The following CROCC2 variants were observed in gnomAD, a reference collection of about 807,000 sequenced individuals.
CROCC2 encodes the protein ciliary rootlet coiled-coil, rootletin family member 2, also known as ciliary rootlet coiled-coil protein 2.
CROCC2 carries 163 observed loss-of-function variants against 177.6 expected under a neutral mutation model. The ratio of observed to expected loss-of-function variants is 0.92; its 90% CI spans 0.81 to 1.05. The LOEUF (loss-of-function observed/expected upper bound fraction) is 1.05. Among genes scored for constraint, CROCC2 ranks in the 50% least tolerant of loss-of-function variants. CROCC2 has a pLI of 0.00. For missense variants in CROCC2, 1,929 were observed against 1,797.8 expected, an observed-to-expected ratio of 1.07 and a Z score of -1.32; for synonymous variants, 904 against 787.3, an observed-to-expected ratio of 1.15 and a Z score of -2.48.
In CROCC2 at chr2:240,949,584, G is replaced by C. The variant is rs543602371; in HGVS notation, c.2534G>C (p.Arg845Pro). ...TGGGAGGTCCAGGAAATGAAGCTGCGGCAGGACACGGTGCGGCTCCAGCGA... is the reference window on the plus strand; with the variant it reads ...TGGGAGGTCCAGGAAATGAAGCTGCCGCAGGACACGGTGCGGCTCCAGCGA... ...SDWEVQEMKL[R>P]QDTVRLQRQV... Residue 845 changes from arginine (R) to proline (P), a missense_variant, in exon 17 of 32, where the codon CGG becomes CCG. Arg to Pro is a moderately radical substitution (Grantham distance 103). Transcript: ENST00000690015. The surrounding 1 kb of genome is among the most constrained non-coding windows in gnomAD (Gnocchi z 4.5). The C allele has an allele frequency of 6.4e-7, 1 of 1,550,528 alleles. No individual in the cohort carries two copies. Among genetic ancestry groups the C allele is most frequent in the Non-Finnish European group, 8.7e-7 (1 of 1,146,962 alleles).
intron 14 of CROCC2, among the ~76,000 whole-genome samples, chr2:240,938,785 G>T (rs1015985735): frequency 2.0e-5 from 3 of 152,048 alleles, no homozygotes; most frequent in Non-Finnish European, 4.4e-5. Context: ...CCACATCTTT[G>T]ATTAGGTTAA....
intron 12 of CROCC2, 25 bp from the exon 13 acceptor site, chr2:240,934,891 C>T: frequency 6.8e-7 from 1 of 1,473,800 alleles, no homozygotes; most frequent in Non-Finnish European, 9.0e-7. Context: ...AAGGTCCCTC[C>T]CTGGCATCCC....
At position 240,959,348 on chromosome 2, in the gene CROCC2, G is replaced by T; in HGVS notation, c.2991G>T (p.Gln997His). 1 of 1,550,632 alleles carries T rather than the reference G, an allele frequency of 6.4e-7. No homozygotes were observed. Among genetic ancestry groups the T allele is most frequent in the Non-Finnish European group, 8.7e-7 (1 of 1,146,976 alleles). The change falls in exon 20 of 32, where the codon CAG becomes CAT. Residue 997 changes from glutamine (Q) to histidine (H), a missense_variant. Coordinates refer to ENST00000690015, the MANE Select transcript of CROCC2 (RefSeq NM_001351305.2). ...TTEELKALQAQFEDAITAHQR... is the reference protein window; with the variant it reads ...TTEELKALQAHFEDAITAHQR... ...AGGAGCTGAAGGCCCTCCAGGCCCA[G>T]TTTGAGGATGCCATCACAGCCCATC...
At position 240,953,043 on chromosome 2, in the gene CROCC2, G is replaced by A. The variant is rs535075015; in HGVS notation, c.2829+2533G>A. Among the ~76,000 whole-genome samples, 173 of 152,240 alleles carry A rather than the reference G, an allele frequency of 1.1e-3. No individual in the cohort carries two copies. The highest frequency in any genetic ancestry group is 3.9e-3 in the African/African-American group (163 of 41,548). On this transcript the variant is annotated intron_variant, in intron 18 of 31. Transcript: ENST00000690015. This position sits in a 1 kb window ranked among gnomAD's most constrained non-coding sequence, Gnocchi z 4.0. ...CATCCGAGACCAACCACTGGGCAAC[G>A]TGGCCTGTTCTCATGTGGTTATTTA...
At position 240,966,524 on chromosome 2, in the gene CROCC2, C is replaced by T. The variant is rs138138155; in HGVS notation, c.4146+115C>T. 810 of 397,540 alleles carry T rather than the reference C, an allele frequency of 2.0e-3. 3 individuals carry two copies. The highest frequency in any genetic ancestry group is 0.015 in the African/African-American group (731 of 48,698). 24.6% of individuals were successfully genotyped at this position (397,540 alleles called of 1,614,324 possible). On this transcript the variant is annotated intron_variant, in intron 25 of 31. Coordinates refer to ENST00000690015, the MANE Select transcript of CROCC2 (RefSeq NM_001351305.2). ...TGGGTCTGAGGGTCAGTGTCCAGGC[C>T]GTCCTGTTTGTTGTGATAAACACCA...
chr2:240,939,549 T>C (rs976840266), intron 14 of CROCC2, among the ~76,000 whole-genome samples: 2 of 152,136 alleles, frequency 1.3e-5, no homozygotes, highest in South Asian at 4.1e-4. Context: ...AAAGTGTGTG[T>C]GTAAAATTGG....
rs1474358330 is a variant in CROCC2 at position 240,965,417 on chromosome 2, G to C, written c.3502G>C (p.Gly1168Arg). Residue 1168 changes from glycine (G) to arginine (R), a missense_variant, in exon 23 of 32, where the codon GGA (glycine) becomes CGA (arginine). This residue lies in a region of CROCC2 where 1,397 missense variants were observed against 1,239.9 expected (regional missense o/e 1.13). Transcript: ENST00000690015. ...TLKAENQRRS[G>R]EAHELQAQCS... is the part of the protein sequence containing the mutation. ...GAAGGCCGAGAACCAGAGGAGGAGT[G>C]GAGAGGCCCATGAGCTGCAGGCGCA... 2.6e-6 allele frequency: 4 copies of C among 1,549,726 alleles called. No individual in the cohort carries two copies. In the Admixed American group the frequency reaches 7.8e-5, roughly 30 times the overall value.
At chr2:240,965,344 G>T in intron 22 of CROCC2, 37 bp from the exon 23 acceptor site, 1 of 1,546,704 alleles carries the variant, frequency 6.5e-7, no homozygotes, top group South Asian at 1.2e-5. Flanking sequence ...CCAGCACAGA[G>T]ACCAGTGACC....
chr2:240,983,250 A>AG (rs2059813870), intron 28 of CROCC2: 1 of 888,914 alleles, frequency 1.1e-6, no homozygotes, highest in Non-Finnish European at 1.6e-6. Flanking sequence ...ACAGGGAGTC[A>AG]GGGGGCTGGA....
At chr2:240,983,135 A>C in intron 28 of CROCC2, 106 bp downstream of exon 28, 1 of 1,187,072 alleles carries the variant, frequency 8.4e-7, no homozygotes, top group Non-Finnish European at 1.2e-6. Context: ...CTCAACATGA[A>C]GGGAGGCCTA....
At chr2:240,930,551 T>TG (rs2059422218) in intron 6 of CROCC2, among the ~76,000 whole-genome samples, 1 of 151,856 alleles carries the variant, frequency 6.6e-6, no homozygotes, top group South Asian at 2.1e-4. Context: ...CACTGTGGGG[T>TG]GGGGGACACC....
At chr2:240,937,320 T>C (rs1433717432) in intron 14 of CROCC2, among the ~76,000 whole-genome samples, 1 of 152,246 alleles carries the variant, frequency 6.6e-6, no homozygotes, top group African/African-American at 2.4e-5. Flanking sequence ...ATTCGTATGC[T>C]TTATTTTATC....
At chr2:240,936,403 A>G (rs2059470641) in intron 14 of CROCC2, among the ~76,000 whole-genome samples, 1 of 152,124 alleles carries the variant, frequency 6.6e-6, no homozygotes. Context: ...GACTGGATGC[A>G]CCTGTTTCCG....
chr2:240,983,541 AG>A, intron 28 of CROCC2: 1 of 1,272,220 alleles, frequency 7.9e-7, no homozygotes. Flanking sequence ...GCGCGTCTGC[AG>A]GGGGAGCTCG....
intron 28 of CROCC2, chr2:240,983,350 C>A: frequency 7.7e-7 from 1 of 1,292,592 alleles, no homozygotes. Context: ...CAGAGCCAGC[C>A]TTAGATGGAA....
chr2:240,932,269 C>T (rs955879694), intron 7 of CROCC2, 49 bp from the exon 8 acceptor site: 14 of 682,016 alleles, frequency 2.1e-5, no homozygotes, highest in Middle Eastern at 4.8e-4. Context: ...CTTGGGTGCC[C>T]GTCCTCTGGG....
chr2:240,950,439 A>G lies in CROCC2; in HGVS notation c.2758A>G (p.Lys920Glu), dbSNP rs1559601519. The G allele has an allele frequency of 6.5e-7, 1 of 1,550,250 alleles. No homozygotes were observed. Among genetic ancestry groups the G allele is most frequent in the Non-Finnish European group, 8.7e-7 (1 of 1,146,810 alleles). Residue 920 changes from lysine to glutamate, a missense_variant, in exon 18 of 32, where the codon AAG becomes GAG. By Grantham distance (56) the Lys-to-Glu change is moderately conservative. Around this residue, in one of 3 missense-constraint regions of CROCC2, gnomAD observed 1,397 missense variants for 1,239.9 expected, o/e 1.13. Coordinates refer to ENST00000690015, the MANE Select transcript of CROCC2 (RefSeq NM_001351305.2). ...AAGTGCAGCTGAGAGGGAGGCTCTG[A>G]AGGGGGAAATTCAGAGCCTGAAGCA... is the stretch of plus-strand genomic sequence containing the variant. ...TKSAAEREAL[K>E]GEIQSLKQER...
chr2:240,968,031 G>A (rs1407945033), intron 26 of CROCC2, 98 bp from the exon 27 acceptor site: 21 of 1,259,716 alleles, frequency 1.7e-5, no homozygotes, highest in South Asian at 4.6e-5. Context: ...CCACCTCCAC[G>A]TGGGAGCCAG....
At chr2:240,988,937 G>T (rs978542616) in intron 29 of CROCC2, 67 bp downstream of exon 29, 2 of 1,333,200 alleles carry the variant, frequency 1.5e-6, no homozygotes, top group South Asian at 4.3e-5. Flanking sequence ...GGATCCAGGA[G>T]GGTGTCAGTT....
Sources: allele counts gnomAD v4.1 joint callset (sites outside exome capture counted in the v4.1 genomes callset), GRCh38; gene constraint gnomAD v4.1.1; regional missense constraint gnomAD v4.1.1; non-coding constraint Gnocchi (gnomAD v3.1); transcripts MANE v1.5; gene names NCBI Gene and HGNC (gene_info 2026-07-23, HGNC 2026-07-21).